The following ADAMTSL2 variants were observed in gnomAD, a reference collection of about 807,000 sequenced individuals.
The protein encoded by ADAMTSL2 is ADAMTS-like protein 2.
A neutral mutation model predicts 117.0 loss-of-function variants in ADAMTSL2; 55 were observed. That is an observed-to-expected ratio of 0.47 (90% CI 0.38 to 0.59). The LOEUF (loss-of-function observed/expected upper bound fraction) is 0.59. Ranked by LOEUF, ADAMTSL2 falls within the 20% of genes least tolerant of loss-of-function variation. ADAMTSL2 has a pLI of 0.00. For missense variants in ADAMTSL2, 1,182 were observed against 1,354.5 expected (o/e 0.87, Z 2.00); for synonymous variants, 572 against 566.4 (o/e 1.01, Z -0.14).
At chr9:133,534,418 T>G (rs973347122), upstream of ADAMTSL2, 1 of 265,724 alleles carries the variant, frequency 3.8e-6, no homozygotes, top group Non-Finnish European at 7.0e-6. Context: ...ACCGCCAGCC[T>G]CCCCGGTAAC....
intron 17 of ADAMTSL2, among the ~76,000 whole-genome samples, chr9:133,572,957 A>G (rs1437754512): frequency 6.6e-6 from 1 of 152,166 alleles, no homozygotes; most frequent in Non-Finnish European, 1.5e-5. Context: ...GATTGTCCTC[A>G]CGCCGTCAGC....
intron 12 of ADAMTSL2, among the ~76,000 whole-genome samples, chr9:133,563,532 C>T (rs1830798371): frequency 1.3e-5 from 2 of 152,180 alleles, no homozygotes; most frequent in African/African-American, 4.8e-5. Flanking sequence ...TCGCTCGAGA[C>T]GTCTGCAGGG....
At chr9:133,548,003 C>G (rs2131121480) in intron 9 of ADAMTSL2, among the ~76,000 whole-genome samples, 1 of 152,372 alleles carries the variant, frequency 6.6e-6, no homozygotes, top group East Asian at 1.9e-4. Context: ...CAGGTGACAT[C>G]AAGAAGGGCA....
intron 8 of ADAMTSL2, among the ~76,000 whole-genome samples, chr9:133,545,275 T>C (rs1276629919): frequency 6.6e-6 from 1 of 152,124 alleles, no homozygotes; most frequent in Non-Finnish European, 1.5e-5. Flanking sequence ...GGGGCGGGCT[T>C]GGGTATAGGG....
intron 12 of ADAMTSL2, among the ~76,000 whole-genome samples, chr9:133,564,707 GGA>G (rs1205702337): frequency 1.7e-4 from 20 of 116,048 alleles, no homozygotes; most frequent in African/African-American, 5.5e-4. Context: ...AGAGAGAGAA[GGA>G]GAGAGAGAGA....
Position 133,554,219 on chromosome 9 carries a change from A to T in ADAMTSL2, c.940-138A>T. On this transcript the variant is annotated intron_variant, in intron 9 of 18. Coordinates refer to ENST00000651351, the MANE Select transcript of ADAMTSL2 (RefSeq NM_014694.4). This position sits in a 1 kb window ranked among gnomAD's most constrained non-coding sequence, Gnocchi z 5.2. ...CAGGAGCACTGCGTTGGGCTGGGCT[A>T]GTCAGTGTCATTCCCTGAGGGGGCT... is the stretch of plus-strand genomic sequence containing the variant. The T allele has an allele frequency of 2.6e-6, 2 of 782,692 alleles. No homozygotes were observed. The highest frequency in any genetic ancestry group is 4.0e-6 in the Non-Finnish European group (2 of 496,444). 48.5% of individuals were successfully genotyped at this position (782,692 alleles called of 1,614,324 possible).
intron 9 of ADAMTSL2, among the ~76,000 whole-genome samples, chr9:133,547,592 G>T (rs1830382340): frequency 6.6e-6 from 1 of 152,230 alleles, no homozygotes; most frequent in African/African-American, 2.4e-5. Flanking sequence ...GGACCAGCGG[G>T]GGTTCCGTGC....
Position 133,573,872 on chromosome 9 carries a change from G to T in ADAMTSL2, c.2622G>T (p.Arg874Ser). The T allele has an allele frequency of 6.2e-7, 1 of 1,614,124 alleles. No homozygotes were observed. The highest frequency in any genetic ancestry group is 1.1e-5 in the South Asian group (1 of 91,078). ...ECTKTCGVGVRMRDVKCYQGT... is the reference protein window; with the variant it reads ...ECTKTCGVGVSMRDVKCYQGT... ...CCAAGACCTGCGGGGTGGGCGTGAG[G>T]ATGCGAGACGTCAAGTGCTACCAGG... Residue 874 changes from arginine to serine, a missense_variant, in exon 18 of 19, where the codon AGG becomes AGT. Around this residue, in one of 3 missense-constraint regions of ADAMTSL2, gnomAD observed 465 missense variants for 565.3 expected, o/e 0.82. Coordinates refer to ENST00000651351, the MANE Select transcript of ADAMTSL2 (RefSeq NM_014694.4).
Position 133,561,176 on chromosome 9 carries a change from C to G in ADAMTSL2, c.1650-22C>G, listed in dbSNP as rs1830719157. The G allele has an allele frequency of 3.2e-6, 5 of 1,585,180 alleles. No individual in the cohort carries two copies. In the African/African-American group the frequency reaches 6.7e-5, roughly 21 times the overall value. ...GGGGCCTGGAGCGTCTCATCACCTT[C>G]CCTGCTTGGTCTCGCTTTCAGGACC... On this transcript the variant is annotated intron_variant, in intron 11 of 18. Transcript: ENST00000651351.
intron 7 of ADAMTSL2, 71 bp downstream of exon 7, chr9:133,541,072 G>A (rs750831368): frequency 6.4e-7 from 1 of 1,561,140 alleles, no homozygotes; most frequent in East Asian, 2.4e-5. Flanking sequence ...GTGTGCTCCT[G>A]TCTGCAGCCT....
In ADAMTSL2 at chr9:133,569,494, C is replaced by T; in HGVS notation, c.2331C>T (p.Cys777=). ...GACGGGTAGTACCTGAGTCCCAGTG[C>T]CAGATGGAGACCAAGCCTCTGGCCA... ...SDGRVVPESQ[C]QMETKPLAIH... Residue 777 remains cysteine (C), a synonymous_variant, in exon 16 of 19, where the codon TGC becomes TGT. Transcript: ENST00000651351. 1.2e-6 allele frequency: 2 copies of T among 1,612,798 alleles called. No homozygotes were observed. Among genetic ancestry groups the T allele is most frequent in the Non-Finnish European group, 1.7e-6 (2 of 1,179,710 alleles).
At chr9:133,536,027 C>T (rs1195246427) in intron 1 of ADAMTSL2, among the ~76,000 whole-genome samples, 1 of 152,214 alleles carries the variant, frequency 6.6e-6, no homozygotes, top group Non-Finnish European at 1.5e-5. Flanking sequence ...CTGCCCCTCC[C>T]CCAATTCCAT....
rs1417191267 is a variant in ADAMTSL2, at chr9:133,555,596, G to T, written c.1315G>T (p.Asp439Tyr). The T allele has an allele frequency of 9.3e-6, 15 of 1,613,262 alleles. No individual in the cohort carries two copies. The highest frequency in any genetic ancestry group is 1.7e-5 in the Admixed American group (1 of 60,036). The change falls in exon 11 of 19, where the codon GAT becomes TAT. Residue 439 changes from aspartate to tyrosine, a missense_variant. Around this residue, in one of 3 missense-constraint regions of ADAMTSL2, gnomAD observed 345 missense variants for 325.8 expected, o/e 1.06. Transcript: ENST00000651351. ...VTGTPLTGDK[D>Y]DEEVDTHFAS... The stretch of plus-strand genomic sequence containing the variant: ...GGGGACTCCTCTCACCGGGGACAAG[G>T]ATGACGAAGAGGTTGACACCCACTT...
intron 7 of ADAMTSL2, among the ~76,000 whole-genome samples, chr9:133,544,248 C>T (rs1830295133): frequency 6.6e-6 from 1 of 152,112 alleles, no homozygotes; most frequent in African/African-American, 2.4e-5. Context: ...ATGAGCCTTC[C>T]TATGGCCTTG....
chr9:133,561,610 G>A (rs1830730627), intron 12 of ADAMTSL2, among the ~76,000 whole-genome samples: 2 of 152,186 alleles, frequency 1.3e-5, no homozygotes, highest in African/African-American at 4.8e-5. Flanking sequence ...CATCCTTTGG[G>A]TTAAAAGTAA....
chr9:133,562,604 GGC>G lies in ADAMTSL2; in HGVS notation c.1747+1311_1747+1312del, dbSNP rs1830760695. 1.7e-5 allele frequency among the ~76,000 whole-genome samples: 2 copies of G among 116,326 alleles called. 1 individual carries two copies. Among genetic ancestry groups the G allele is most frequent in the Non-Finnish European group, 3.7e-5 (2 of 53,532 alleles). The allele number at this position is 116,326 out of a possible 152,430, so 76.3% of individuals were successfully genotyped here. On this transcript the variant is annotated intron_variant, in intron 12 of 18. Coordinates refer to ENST00000651351, the MANE Select transcript of ADAMTSL2 (RefSeq NM_014694.4). ...GGGCCCGGCTCGCACCGCCGTGGGC[GGC>G]GTGGCGGGCACCCGGCTGGGCCCGG...
chr9:133,535,372 G>A (rs1166374360), intron 1 of ADAMTSL2, among the ~76,000 whole-genome samples: 1 of 149,646 alleles, frequency 6.7e-6, no homozygotes, highest in Non-Finnish European at 1.5e-5. Flanking sequence ...GCAGGGGAGG[G>A]AGGTGGGGGG....
chr9:133,561,589 G>A (rs1362818174), intron 12 of ADAMTSL2, among the ~76,000 whole-genome samples: 1 of 152,206 alleles, frequency 6.6e-6, no homozygotes, highest in Non-Finnish European at 1.5e-5. Context: ...ACCATGTTTT[G>A]TTAGGGCAAA....
chr9:133,536,625 G>T lies in ADAMTSL2; in HGVS notation c.-88G>T. On this transcript the variant is annotated 5_prime_UTR_variant, in exon 2 of 19. Coordinates refer to ENST00000651351, the MANE Select transcript of ADAMTSL2 (RefSeq NM_014694.4). The stretch of plus-strand genomic sequence containing the variant: ...ACCTTGAGGCCTGGGCACTGGCTGG[G>T]CCCCGAGGGCTCTTCCCAAAGCGTA... 6.2e-7 allele frequency: 1 copy of T among 1,613,600 alleles called. No individual in the cohort carries two copies.
Sources: gnomAD v4.1 joint callset for allele counts (sites outside exome capture counted in the v4.1 genomes callset) on GRCh38, gnomAD v4.1.1 for gene constraint, gnomAD v4.1.1 regional missense constraint, Gnocchi (gnomAD v3.1) non-coding constraint, MANE v1.5 for transcripts, NCBI Gene and HGNC (gene_info 2026-07-23, HGNC 2026-07-21) for gene names.